Variants in CDH10 observed in about 807,000 individuals in gnomAD.
CDH10 encodes cadherin-10.
Under a neutral mutation model 73.1 loss-of-function variants are expected in CDH10, and 30 were observed. The ratio of observed to expected loss-of-function variants is 0.41; its 90% CI spans 0.31 to 0.56. CDH10 has a LOEUF of 0.56. Among genes scored for constraint, CDH10 ranks in the 20% least tolerant of loss-of-function variants. The pLI, the probability that CDH10 is intolerant of heterozygous loss-of-function variation, is 0.27. For synonymous variants in CDH10, 345 were observed against 348.2 expected, an observed-to-expected ratio of 0.99 and a Z score of 0.10; for missense variants, 815 against 973.7, an observed-to-expected ratio of 0.84 and a Z score of 2.17.
intron 1 of CDH10, among the ~76,000 whole-genome samples, chr5:24,608,665 G>A (rs868545710): frequency 6.6e-6 from 1 of 152,150 alleles, no homozygotes; most frequent in African/African-American, 2.4e-5. Flanking sequence ...TAATGTTTCA[G>A]TGAAAACACA....
chr5:24,534,457 A>T (rs1227550531), intron 5 of CDH10, among the ~76,000 whole-genome samples: 1 of 152,086 alleles, frequency 6.6e-6, no homozygotes, highest in African/African-American at 2.4e-5. Context: ...TACAAGAAAG[A>T]AGAATAAATG....
intron 1 of CDH10, among the ~76,000 whole-genome samples, chr5:24,615,592 G>C (rs1337402333): frequency 1.3e-5 from 2 of 152,148 alleles, no homozygotes; most frequent in Admixed American, 1.3e-4. Context: ...TAAGACTATG[G>C]AGCTTCCCTA....
chr5:24,617,687 T>C (rs148216546), intron 1 of CDH10, among the ~76,000 whole-genome samples: 144 of 152,334 alleles, frequency 9.5e-4, no homozygotes, highest in Non-Finnish European at 1.7e-3. Context: ...ATGGAAGATG[T>C]AACAAAGGAA....
intron 9 of CDH10, among the ~76,000 whole-genome samples, chr5:24,494,803 T>C (rs1742206881): frequency 6.6e-6 from 1 of 152,086 alleles, no homozygotes; most frequent in Non-Finnish European, 1.5e-5. Flanking sequence ...ACATTTTGAA[T>C]ATCATAAAAG....
intron 2 of CDH10, among the ~76,000 whole-genome samples, chr5:24,551,140 A>G (rs1007972956): frequency 6.6e-6 from 1 of 152,194 alleles, no homozygotes; most frequent in African/African-American, 2.4e-5. Context: ...CTTAAGCCAT[A>G]TAAGCCTAAA....
At chr5:24,515,032 C>A (rs1159586179) in intron 5 of CDH10, among the ~76,000 whole-genome samples, 1 of 151,888 alleles carries the variant, frequency 6.6e-6, no homozygotes, top group Non-Finnish European at 1.5e-5. Flanking sequence ...TCTGACCATG[C>A]CACAATTAAG....
chr5:24,586,745 T>A (rs1746017237), intron 2 of CDH10, among the ~76,000 whole-genome samples: 1 of 151,004 alleles, frequency 6.6e-6, no homozygotes, highest in African/African-American at 2.4e-5. Context: ...GCATCCAGTC[T>A]ATGTTAACTC....
At chr5:24,572,077 A>AACAG (rs1439146397) in intron 2 of CDH10, among the ~76,000 whole-genome samples, 3 of 152,154 alleles carry the variant, frequency 2.0e-5, no homozygotes, top group African/African-American at 4.8e-5. Flanking sequence ...CAAGCAAACA[A>AACAG]ACAAAACAAA....
chr5:24,537,023 T>C (rs538548631), intron 3 of CDH10, among the ~76,000 whole-genome samples: 3 of 146,490 alleles, frequency 2.0e-5, no homozygotes, highest in East Asian at 3.9e-4. Flanking sequence ...ATAACCTCTA[T>C]GGTATTCTAA....
intron 2 of CDH10, among the ~76,000 whole-genome samples, chr5:24,584,417 G>T (rs1412518392): frequency 7.1e-6 from 1 of 141,264 alleles, no homozygotes; most frequent in Non-Finnish European, 1.5e-5. Flanking sequence ...GAGCTCACCT[G>T]ATGTTCACGT....
chr5:24,616,034 A>G (rs979932412), intron 1 of CDH10, among the ~76,000 whole-genome samples: 1 of 152,036 alleles, frequency 6.6e-6, no homozygotes, highest in Non-Finnish European at 1.5e-5. Flanking sequence ...TATTCTTTTT[A>G]TGGAATGTTG....
intron 5 of CDH10, among the ~76,000 whole-genome samples, chr5:24,524,597 T>C (rs1313591627): frequency 1.3e-5 from 2 of 152,144 alleles, no homozygotes; most frequent in African/African-American, 4.8e-5. Context: ...TCAGATTGAA[T>C]CATCTGCTCC....
chr5:24,619,930 A>C (rs1192740428), intron 1 of CDH10, among the ~76,000 whole-genome samples: 2 of 152,172 alleles, frequency 1.3e-5, no homozygotes, highest in African/African-American at 4.8e-5. Flanking sequence ...TGAGAAATAC[A>C]TTTCTAATGT....
chr5:24,509,193 C>CTTT (rs34197649), intron 7 of CDH10, among the ~76,000 whole-genome samples: 1 of 109,474 alleles, frequency 9.1e-6, no homozygotes, highest in African/African-American at 3.4e-5. Flanking sequence ...ATTTCAACTG[C>CTTT]TTTTTTTTTT....
chr5:24,522,929 T>G (rs924864558), intron 5 of CDH10, among the ~76,000 whole-genome samples: 15 of 152,142 alleles, frequency 9.9e-5, no homozygotes. Flanking sequence ...TAAAAAAAAT[T>G]TCATACATTT....
intron 1 of CDH10, among the ~76,000 whole-genome samples, chr5:24,606,461 A>G (rs902535733): frequency 6.6e-6 from 1 of 152,042 alleles, no homozygotes; most frequent in African/African-American, 2.4e-5. Flanking sequence ...AAATACAAAA[A>G]TTAGCCAGGC....
chr5:24,561,501 A>C (rs2111988689), intron 2 of CDH10, among the ~76,000 whole-genome samples: 1 of 152,250 alleles, frequency 6.6e-6, no homozygotes, highest in East Asian at 1.9e-4. Flanking sequence ...ATTAGCTCAA[A>C]GTGAGCCATC....
intron 1 of CDH10, chr5:24,612,685 AG>A (rs1237445152): frequency 6.6e-6 from 1 of 152,294 alleles, no homozygotes; most frequent in East Asian, 1.9e-4. Flanking sequence ...AAAAGCTCTC[AG>A]GTTTATATAC....
chr5:24,575,297 G>A (rs1745557585), intron 2 of CDH10, among the ~76,000 whole-genome samples: 1 of 143,460 alleles, frequency 7.0e-6, no homozygotes, highest in Admixed American at 7.1e-5. Flanking sequence ...GGGAGGCAGA[G>A]GTTGCAGCGA....
Sources: gnomAD v4.1 joint callset for allele counts (sites outside exome capture counted in the v4.1 genomes callset) on GRCh38, gnomAD v4.1.1 for gene constraint, MANE v1.5 for transcripts, NCBI Gene and HGNC (gene_info 2026-07-23, HGNC 2026-07-21) for gene names.